PTPRG: variants seen among roughly 807,000 people sequenced by gnomAD.
PTPRG encodes receptor-type tyrosine-protein phosphatase gamma.
Under a neutral mutation model 165.3 loss-of-function variants are expected in PTPRG, and 102 were observed. The observed-to-expected ratio is 0.62, with a 90% CI of 0.53 to 0.73. PTPRG has a LOEUF of 0.73. Among genes scored for constraint, PTPRG ranks in the 30% least tolerant of loss-of-function variants. The pLI, the probability that PTPRG is intolerant of heterozygous loss-of-function variation, is 0.00. For synonymous variants in PTPRG, 675 were observed against 669.5 expected, an observed-to-expected ratio of 1.01 and a Z score of -0.13; for missense variants, 1,866 against 1,861.4, an observed-to-expected ratio of 1.00 and a Z score of -0.05.
intron 4 of PTPRG, among the ~76,000 whole-genome samples, chr3:62,042,103 G>A (rs1001003142): frequency 3.3e-5 from 5 of 152,162 alleles, no homozygotes; most frequent in South Asian, 2.1e-4. Context: ...CTCTCAGAGG[G>A]TCACAGAAAA....
At chr3:61,767,034 A>T (rs1037455713) in intron 2 of PTPRG, among the ~76,000 whole-genome samples, 2 of 151,912 alleles carry the variant, frequency 1.3e-5, no homozygotes, top group Non-Finnish European at 2.9e-5. Flanking sequence ...ACTTGAGGTC[A>T]GGAGTTCGAG....
intron 4 of PTPRG, among the ~76,000 whole-genome samples, chr3:62,074,272 A>T (rs1701305311): frequency 6.6e-6 from 1 of 151,436 alleles, no homozygotes; most frequent in Non-Finnish European, 1.5e-5. Context: ...GGTAAAGGAG[A>T]TAGGGAACAG....
intron 2 of PTPRG, among the ~76,000 whole-genome samples, chr3:61,920,547 C>A (rs146666908): frequency 3.9e-5 from 6 of 152,154 alleles, no homozygotes; most frequent in African/African-American, 1.4e-4. Flanking sequence ...AGGCTTGCAC[C>A]ACCACCCCCA....
intron 4 of PTPRG, among the ~76,000 whole-genome samples, chr3:62,069,729 G>A (rs953899557): frequency 1.3e-5 from 2 of 150,270 alleles, no homozygotes; most frequent in East Asian, 2.0e-4. Flanking sequence ...CACGCACAGA[G>A]TAACTCCGGC....
At chr3:61,880,356 CA>C (rs1337347558) in intron 2 of PTPRG, among the ~76,000 whole-genome samples, 1 of 152,180 alleles carries the variant, frequency 6.6e-6, no homozygotes, top group Non-Finnish European at 1.5e-5. Context: ...ATGCCGCACA[CA>C]ATGGCTCATC....
At chr3:62,143,566 T>C (rs1452888718) in intron 6 of PTPRG, among the ~76,000 whole-genome samples, 1 of 152,154 alleles carries the variant, frequency 6.6e-6, no homozygotes, top group African/African-American at 2.4e-5. Flanking sequence ...TTTTTTTTTT[T>C]TTTTAATTTT....
intron 1 of PTPRG, among the ~76,000 whole-genome samples, chr3:61,602,322 C>T (rs890557645): frequency 2.0e-5 from 3 of 151,926 alleles, no homozygotes; most frequent in Admixed American, 1.3e-4. Context: ...CCACCTGCCC[C>T]CTTGTAATTA....
At chr3:61,632,862 G>T (rs546682997) in intron 1 of PTPRG, among the ~76,000 whole-genome samples, 2 of 151,764 alleles carry the variant, frequency 1.3e-5, no homozygotes, top group African/African-American at 4.8e-5. Context: ...CTTTCACTCT[G>T]GACCATGTTC....
chr3:62,273,821 A>C lies in PTPRG; in HGVS notation c.3442A>C (p.Thr1148Pro). The C allele has an allele frequency of 6.2e-7, 1 of 1,613,850 alleles. No homozygotes were observed. Among genetic ancestry groups the C allele is most frequent in the Non-Finnish European group, 8.5e-7 (1 of 1,179,806 alleles). ...SILIPGVGGK[T>P]RLEKQFKLVT... The stretch of plus-strand genomic sequence containing the variant: ...CCTTATACCAGGAGTAGGAGGAAAG[A>C]CACGACTGGAAAAGCAATTCAAGGT... Residue 1148 changes from threonine to proline, a missense_variant, in exon 23 of 30, where the codon ACA becomes CCA. By Grantham distance (38) the Thr-to-Pro change is conservative. Transcript: ENST00000474889. The surrounding 1 kb of genome is among the most constrained non-coding windows in gnomAD (Gnocchi z 4.1).
rs558870371 is a variant in PTPRG at position 62,021,417 on chromosome 3, A to G, written c.519+17920A>G. Among the ~76,000 whole-genome samples the G allele has an allele frequency of 4.1e-4, 62 of 152,378 alleles. 3 individuals are homozygous for G. The South Asian group carries it at 0.013, about 31-fold the overall frequency. On this transcript the variant is annotated intron_variant, in intron 4 of 29. Coordinates refer to ENST00000474889, the MANE Select transcript of PTPRG (RefSeq NM_002841.4). Reference sequence around the variant, plus strand: ...TGGTTGACATTTGAGAATATAAGCCAACATTAGTCAGAACATCTGACATTT... The same window carrying G: ...TGGTTGACATTTGAGAATATAAGCCGACATTAGTCAGAACATCTGACATTT...
At chr3:61,568,506 C>G (rs560820515) in intron 1 of PTPRG, among the ~76,000 whole-genome samples, 3 of 152,246 alleles carry the variant, frequency 2.0e-5, no homozygotes, top group African/African-American at 7.2e-5. Flanking sequence ...TCATTTGTGG[C>G]AAGATATTTG....
At chr3:62,275,329 C>G (rs1702196069) in intron 23 of PTPRG, among the ~76,000 whole-genome samples, 2 of 126,802 alleles carry the variant, frequency 1.6e-5, no homozygotes, top group African/African-American at 6.1e-5. Context: ...TTAATGTAGA[C>G]TCACGTAGGT....
intron 2 of PTPRG, among the ~76,000 whole-genome samples, chr3:61,885,109 T>C (rs1186417951): frequency 6.6e-6 from 1 of 152,216 alleles, no homozygotes; most frequent in Non-Finnish European, 1.5e-5. Flanking sequence ...TCGTGCTCTT[T>C]TATGAAAATA....
chr3:61,899,938 A>G (rs966453952), intron 2 of PTPRG, among the ~76,000 whole-genome samples: 2 of 152,238 alleles, frequency 1.3e-5, no homozygotes, highest in Admixed American at 1.3e-4. Flanking sequence ...CATAAGGGAT[A>G]ATAACTCTGA....
At chr3:62,157,014 C>G (rs567909083) in intron 6 of PTPRG, 53 bp from the exon 7 acceptor site, 1 of 1,496,512 alleles carries the variant, frequency 6.7e-7, no homozygotes, top group Admixed American at 1.7e-5. Context: ...GTCTGCGGCT[C>G]GGAATGGCAT....
chr3:62,005,392 C>A lies in PTPRG; in HGVS notation c.519+1895C>A, dbSNP rs2041271874. Among the ~76,000 whole-genome samples the A allele has an allele frequency of 2.0e-5, 3 of 152,172 alleles. No individual in the cohort carries two copies. In the South Asian group the frequency reaches 6.2e-4, roughly 32 times the overall value. Reference sequence around the variant, plus strand: ...GTGTAGGATTTTCCTTCTGGTCTTGCTGACAGGTTCCCATTGGCAATATGA... The same window carrying A: ...GTGTAGGATTTTCCTTCTGGTCTTGATGACAGGTTCCCATTGGCAATATGA... On this transcript the variant is annotated intron_variant, in intron 4 of 29. Transcript: ENST00000474889.
intron 1 of PTPRG, among the ~76,000 whole-genome samples, chr3:61,720,296 G>A (rs1487294663): frequency 2.0e-5 from 3 of 151,966 alleles, no homozygotes; most frequent in African/African-American, 7.2e-5. Flanking sequence ...GCTAATTTTT[G>A]TATTTTTAGG....
intron 13 of PTPRG, among the ~76,000 whole-genome samples, chr3:62,225,821 A>C (rs1209258550): frequency 2.0e-5 from 3 of 151,624 alleles, no homozygotes; most frequent in Non-Finnish European, 4.4e-5. Context: ...CGCCCAGCTA[A>C]TTTTTGTATT....
chr3:62,132,551 T>TTA, intron 5 of PTPRG, 51 bp from the exon 6 acceptor site: 1 of 1,402,586 alleles, frequency 7.1e-7, no homozygotes, highest in Non-Finnish European at 1.0e-6. Context: ...CTGAGACTGT[T>TTA]GTGCCTGATG....
Sources: gnomAD v4.1 joint callset for allele counts (sites outside exome capture counted in the v4.1 genomes callset) on GRCh38, gnomAD v4.1.1 for gene constraint, Gnocchi (gnomAD v3.1) non-coding constraint, MANE v1.5 for transcripts, NCBI Gene and HGNC (gene_info 2026-07-23, HGNC 2026-07-21) for gene names.